Variants in YLPM1 observed in about 807,000 individuals in gnomAD.
YLPM1 encodes the protein YLP motif containing 1.
YLPM1 carries 99 observed loss-of-function variants against 230.0 expected under a neutral mutation model. The ratio of observed to expected loss-of-function variants is 0.43; its 90% confidence interval spans 0.37 to 0.51. The LOEUF (loss-of-function observed/expected upper bound fraction) is 0.51. Among genes scored for constraint, YLPM1 ranks in the 20% least tolerant of loss-of-function variants. The pLI, the probability that YLPM1 is intolerant of heterozygous loss-of-function variation, is 0.00. For missense variants in YLPM1, 2,592 were observed against 2,707.7 expected, an observed-to-expected ratio of 0.96 and a Z score of 0.95; for synonymous variants, 984 against 942.5, an observed-to-expected ratio of 1.04 and a Z score of -0.81.
At chr14:74,820,345 T>C (rs1242907794) in intron 16 of YLPM1, among the ~76,000 whole-genome samples, 1 of 152,106 alleles carries the variant, frequency 6.6e-6, no homozygotes, top group Non-Finnish European at 1.5e-5. Context: ...ACCTCCTGGG[T>C]TCAAATGATC....
intron 4 of YLPM1, among the ~76,000 whole-genome samples, chr14:74,790,803 T>G (rs1481138068): frequency 6.6e-6 from 1 of 152,226 alleles, no homozygotes; most frequent in Non-Finnish European, 1.5e-5. Context: ...TCATTATATT[T>G]AAAGGTGGCT....
chr14:74,819,683 G>A (rs1417298506), intron 16 of YLPM1, among the ~76,000 whole-genome samples: 1 of 152,126 alleles, frequency 6.6e-6, no homozygotes, highest in Admixed American at 6.5e-5. Context: ...TGATTTCCGT[G>A]GCAGTGGACA....
Position 74,781,871 on chromosome 14 carries a change from C to G in YLPM1, c.1828C>G (p.Leu610Val). Residue 610 changes from leucine (L) to valine (V), a missense_variant, in exon 4 of 21, where the codon CTC becomes GTC. Physicochemically the swap from Leu to Val is conservative, Grantham distance 32 (BLOSUM62 1). Coordinates refer to ENST00000325680, the MANE Select transcript of YLPM1 (RefSeq NM_019589.3). Reference protein sequence around the residue: ...GPPPVLPPPSLSSTAPPPVMP... With the variant: ...GPPPVLPPPSVSSTAPPPVMP... ...ACCACCAGTTCTTCCCCCACCATCT[C>G]TCTCTTCAACAGCACCTCCACCTGT... 6.2e-7 allele frequency: 1 copy of G among 1,613,648 alleles called. No individual in the cohort carries two copies. Among genetic ancestry groups the G allele is most frequent in the South Asian group, 1.1e-5 (1 of 91,040 alleles).
At chr14:74,827,865 T>C (rs546901757) in intron 18 of YLPM1, 1 of 985,406 alleles carries the variant, frequency 1.0e-6, no homozygotes, top group South Asian at 4.7e-5. Flanking sequence ...GCCCGTCATA[T>C]ACACGTAGAT....
intron 1 of YLPM1, among the ~76,000 whole-genome samples, chr14:74,769,139 G>C (rs564835277): frequency 6.7e-4 from 101 of 150,962 alleles, no homozygotes; most frequent in African/African-American, 2.4e-3. Flanking sequence ...GCAGTGGCGC[G>C]ATCTCGGCTC....
chr14:74,774,686 G>A (rs1416596516), intron 1 of YLPM1, among the ~76,000 whole-genome samples: 2 of 152,140 alleles, frequency 1.3e-5, no homozygotes, highest in Non-Finnish European at 2.9e-5. Context: ...GATTACAGGC[G>A]TGAGCCACTG....
chr14:74,763,830 C>G lies in YLPM1; in HGVS notation c.341C>G (p.Ala114Gly). ...PPPMPPPPGP[A>G]LSYQKQQQYK... The stretch of plus-strand genomic sequence containing the variant: ...CCGATGCCCCCGCCACCCGGGCCGG[C>G]CCTCAGCTATCAGAAGCAGCAGCAG... The change falls in exon 1 of 21, where the codon GCC becomes GGC. Residue 114 changes from alanine to glycine, a missense_variant. Around this residue, in one of 4 missense-constraint regions of YLPM1, gnomAD observed 1,862 missense variants for 1,819.8 expected, o/e 1.02. Transcript: ENST00000325680. The G allele has an allele frequency of 6.6e-7, 1 of 1,516,286 alleles. No homozygotes were observed. The highest frequency in any genetic ancestry group is 8.8e-7 in the Non-Finnish European group (1 of 1,131,266). The allele number at this position is 1,516,286 out of a possible 1,614,324, so 93.9% of individuals were successfully genotyped here.
intron 15 of YLPM1, 130 bp from the exon 16 acceptor site, chr14:74,818,101 A>G: frequency 2.6e-6 from 1 of 384,756 alleles, no homozygotes; most frequent in Non-Finnish European, 4.2e-6. Flanking sequence ...ATATTAAATT[A>G]ATATTTAACA....
rs757970120 is a variant in YLPM1 at position 74,816,527 on chromosome 14, A to G, written c.5566-44A>G. 12 of 1,573,290 alleles carry G rather than the reference A, an allele frequency of 7.6e-6. No homozygotes were observed. The South Asian group carries it at 1.4e-4, about 19-fold the overall frequency. On this transcript the variant is annotated intron_variant, in intron 12 of 20. Transcript: ENST00000325680. The stretch of plus-strand genomic sequence containing the variant: ...GGAACTTTGGTGTGAACATTAATTT[A>G]TTCCATAAATTCGTTTTAACCTTCT...
intron 17 of YLPM1, chr14:74,824,043 T>A: frequency 1.9e-6 from 1 of 539,922 alleles, no homozygotes; most frequent in Non-Finnish European, 3.3e-6. Flanking sequence ...TATTCTGAAG[T>A]GACTACTCTG....
chr14:74,773,711 C>CTTTTTTTTTTTTT lies in YLPM1; in HGVS notation c.874-4721_874-4709dup, dbSNP rs766885242. On this transcript the variant is annotated intron_variant, in intron 1 of 20. Coordinates refer to ENST00000325680, the MANE Select transcript of YLPM1 (RefSeq NM_019589.3). ...TCATGGTCAGTGTGCTGTTTTCTTT[C>CTTTTTTTTTTTTT]TTTTTTTTTTTTTTTTTTTTTTTTT... 2.1e-4 allele frequency among the ~76,000 whole-genome samples: 13 copies of CTTTTTTTTTTTTT among 60,564 alleles called. 1 individual carries two copies. Among genetic ancestry groups the CTTTTTTTTTTTTT allele is most frequent in the Non-Finnish European group, 2.5e-4 (8 of 32,418 alleles). 39.7% of individuals were successfully genotyped at this position (60,564 alleles called of 152,430 possible).
Position 74,797,687 on chromosome 14 carries a change from A to G in YLPM1, c.2390A>G (p.Tyr797Cys). 2 of 1,612,560 alleles carry G rather than the reference A, an allele frequency of 1.2e-6. No individual in the cohort carries two copies. Among genetic ancestry groups the G allele is most frequent in the South Asian group, 1.1e-5 (1 of 91,010 alleles). ...GNRPDGPRPRYEGHPAEGTKS... is the reference protein window; with the variant it reads ...GNRPDGPRPRCEGHPAEGTKS... Reference sequence around the variant, plus strand: ...CGCCCCGATGGGCCAAGACCCAGATATGAAGGTCACCCAGCAGAGGGCACT... The same window carrying G: ...CGCCCCGATGGGCCAAGACCCAGATGTGAAGGTCACCCAGCAGAGGGCACT... The change falls in exon 5 of 21, where the codon TAT becomes TGT. Residue 797 changes from tyrosine (Y) to cysteine (C), a missense_variant. Coordinates refer to ENST00000325680, the MANE Select transcript of YLPM1 (RefSeq NM_019589.3).
chr14:74,790,218 A>AC (rs776006965), intron 4 of YLPM1, among the ~76,000 whole-genome samples: 7 of 152,164 alleles, frequency 4.6e-5, no homozygotes, highest in Admixed American at 2.0e-4. Flanking sequence ...TAGCTATCTT[A>AC]CTAGGATTAG....
chr14:74,767,286 A>G (rs575381173), intron 1 of YLPM1, among the ~76,000 whole-genome samples: 16 of 152,198 alleles, frequency 1.1e-4, no homozygotes, highest in African/African-American at 2.9e-4. Flanking sequence ...TTGTTTCATC[A>G]TACTAATGAA....
chr14:74,772,233 T>TC (rs1375319930), intron 1 of YLPM1, among the ~76,000 whole-genome samples: 17 of 149,106 alleles, frequency 1.1e-4, no homozygotes, highest in African/African-American at 3.9e-4. Flanking sequence ...TTTTTTTTTT[T>TC]CTCAGAGAGA....
intron 18 of YLPM1, chr14:74,828,106 A>C (rs1158904787): frequency 1.4e-6 from 1 of 700,186 alleles, no homozygotes; most frequent in East Asian, 1.3e-4. Flanking sequence ...GTTGTGTGTA[A>C]AACTTTTATA....
chr14:74,798,493 G>C lies in YLPM1; in HGVS notation c.3196G>C (p.Glu1066Gln). 1.2e-6 allele frequency: 2 copies of C among 1,613,970 alleles called. No homozygotes were observed. The highest frequency in any genetic ancestry group is 3.3e-4 in the Middle Eastern group (2 of 6,062). The change falls in exon 5 of 21, where the codon GAA (glutamate) becomes CAA (glutamine). Residue 1066 changes from glutamate to glutamine, a missense_variant. Physicochemically the swap from Glu to Gln is conservative, Grantham distance 29 (BLOSUM62 2). This residue lies in a region of YLPM1 where 1,862 missense variants were observed against 1,819.8 expected (regional missense o/e 1.02). Transcript: ENST00000325680. ...DFRDKMMGRR[E>Q]DSREKMNRGE... ...TCGGGATAAGATGATGGGTAGAAGA[G>C]AAGATAGTCGAGAGAAGATGAACAG...
intron 6 of YLPM1, among the ~76,000 whole-genome samples, chr14:74,804,033 TG>T (rs977755159): frequency 5.3e-5 from 8 of 152,264 alleles, no homozygotes; most frequent in African/African-American, 1.9e-4. Context: ...GGCGCATGCC[TG>T]TAATCCCAGC....
chr14:74,764,509 C>T, intron 1 of YLPM1, 147 bp downstream of exon 1: 1 of 1,134,962 alleles, frequency 8.8e-7, no homozygotes, highest in Admixed American at 3.0e-5. Context: ...AGAGGGCTGA[C>T]AGCTCAGCTT....
Sources: allele counts gnomAD v4.1 joint callset (sites outside exome capture counted in the v4.1 genomes callset), GRCh38; gene constraint gnomAD v4.1.1; regional missense constraint gnomAD v4.1.1; transcripts MANE v1.5; gene names NCBI Gene and HGNC (gene_info 2026-07-23, HGNC 2026-07-21).